Variants in GHR observed in about 807,000 individuals in gnomAD.
GHR encodes GH receptor.
In GHR, 35 loss-of-function variants were observed where a neutral mutation model predicts 67.1. That is an observed-to-expected ratio of 0.52 (90% CI 0.40 to 0.69). The LOEUF is 0.69. Ranked by LOEUF, GHR falls within the 30% of genes least tolerant of loss-of-function variation. The probability of loss-of-function intolerance (pLI) is 0.00; values close to 1 mark genes in which losing one functional copy is unlikely to be tolerated. For missense variants in GHR, 792 were observed against 764.6 expected, an observed-to-expected ratio of 1.04 and a Z score of -0.42; for synonymous variants, 272 against 269.1, an observed-to-expected ratio of 1.01 and a Z score of -0.10.
At chr5:42,693,711 T>A (rs1000347610) in intron 4 of GHR, among the ~76,000 whole-genome samples, 4 of 152,180 alleles carry the variant, frequency 2.6e-5, no homozygotes, top group African/African-American at 9.6e-5. Flanking sequence ...TGTCCACTGC[T>A]GCCCAGCACC....
intron 2 of GHR, among the ~76,000 whole-genome samples, chr5:42,567,585 A>C (rs1456624261): frequency 3.3e-5 from 5 of 152,162 alleles, no homozygotes; most frequent in African/African-American, 7.2e-5. Context: ...TTTAACAAAG[A>C]AGAACATTTT....
intron 1 of GHR, among the ~76,000 whole-genome samples, chr5:42,507,341 A>G (rs986012815): frequency 2.0e-5 from 3 of 152,360 alleles, no homozygotes; most frequent in East Asian, 3.9e-4. Context: ...GCCTTTCTGA[A>G]GTTTTTAAAA....
intron 1 of GHR, among the ~76,000 whole-genome samples, chr5:42,524,516 A>G (rs1466622396): frequency 6.6e-6 from 1 of 152,226 alleles, no homozygotes; most frequent in East Asian, 1.9e-4. Context: ...AGAGCATAAA[A>G]GTTCAGAAAA....
At chr5:42,670,083 A>T (rs1248648255) in intron 3 of GHR, among the ~76,000 whole-genome samples, 1 of 152,234 alleles carries the variant, frequency 6.6e-6, no homozygotes, top group Non-Finnish European at 1.5e-5. Context: ...GACCAAAAAG[A>T]GCAATGCTGG....
chr5:42,462,372 A>T (rs1744522954), intron 1 of GHR, among the ~76,000 whole-genome samples: 1 of 152,220 alleles, frequency 6.6e-6, no homozygotes, highest in Non-Finnish European at 1.5e-5. Flanking sequence ...AATGAAGCTA[A>T]GCAAAATTTA....
At chr5:42,580,024 A>T (rs761821191) in intron 2 of GHR, among the ~76,000 whole-genome samples, 15 of 152,022 alleles carry the variant, frequency 9.9e-5, no homozygotes, top group Middle Eastern at 3.2e-3. Context: ...TCACAATTTG[A>T]TTATGAGAAA....
At chr5:42,636,209 C>CA (rs11373491) in intron 3 of GHR, among the ~76,000 whole-genome samples, 24,506 of 81,002 alleles carry the variant, frequency 0.3, 3,201 homozygotes, top group Middle Eastern at 0.36. Context: ...GACCCCGTTT[C>CA]AAAAAAAAAA....
intron 3 of GHR, among the ~76,000 whole-genome samples, chr5:42,680,248 C>T (rs1756791553): frequency 6.6e-6 from 1 of 152,182 alleles, no homozygotes; most frequent in Non-Finnish European, 1.5e-5. Flanking sequence ...GTGATTTCGG[C>T]TGACAATAAG....
At chr5:42,521,440 CATA>C (rs2112303794) in intron 1 of GHR, among the ~76,000 whole-genome samples, 1 of 152,292 alleles carries the variant, frequency 6.6e-6, no homozygotes, top group Non-Finnish European at 1.5e-5. Context: ...GGATTTACTC[CATA>C]TTTCTTATTC....
intron 2 of GHR, among the ~76,000 whole-genome samples, chr5:42,627,096 T>C (rs187978565): frequency 1.5e-3 from 232 of 152,306 alleles, no homozygotes; most frequent in African/African-American, 5.4e-3. Flanking sequence ...TTATGGACCA[T>C]CTCACACCAT....
intron 3 of GHR, 69 bp from the exon 4 acceptor site, chr5:42,688,821 T>TA (rs1342481564): frequency 7.2e-7 from 1 of 1,382,886 alleles, no homozygotes; most frequent in Non-Finnish European, 1.0e-6. Context: ...ACACTTTAGA[T>TA]ACGTGTCTCA....
chr5:42,612,537 A>G (rs1752941174), intron 2 of GHR, among the ~76,000 whole-genome samples: 1 of 152,134 alleles, frequency 6.6e-6, no homozygotes, highest in Non-Finnish European at 1.5e-5. Context: ...ACATCACATT[A>G]CAAATGGGTA....
rs1744761984 is a variant in GHR at position 42,467,027 on chromosome 5, C to T, written c.-12+43072C>T. On this transcript the variant is annotated intron_variant, in intron 1 of 9. Coordinates refer to ENST00000230882, the MANE Select transcript of GHR (RefSeq NM_000163.5). ...GTGAGGCTCAACCTCTGTCTGAAGG[C>T]CTTCCCACACTCATTACACATGTAA... The T allele has an allele frequency of 1.9e-6, 3 of 1,564,518 alleles. No individual in the cohort carries two copies. In the African/African-American group the frequency reaches 4.1e-5, roughly 21 times the overall value.
chr5:42,435,532 G>A (rs1484157420), intron 1 of GHR, among the ~76,000 whole-genome samples: 1 of 152,128 alleles, frequency 6.6e-6, no homozygotes, highest in Non-Finnish European at 1.5e-5. Flanking sequence ...TTTTATCTGG[G>A]ACTAATTTCA....
intron 1 of GHR, among the ~76,000 whole-genome samples, chr5:42,470,086 ATAT>A (rs34930204): frequency 0.17 from 25,533 of 146,298 alleles, 2,473 homozygotes; most frequent in Non-Finnish European, 0.21. Flanking sequence ...TGTAAATAAC[ATAT>A]TATATTATAT....
At chr5:42,681,301 A>G (rs1355507543) in intron 3 of GHR, among the ~76,000 whole-genome samples, 1 of 151,902 alleles carries the variant, frequency 6.6e-6, no homozygotes, top group Non-Finnish European at 1.5e-5. Context: ...GGCAAAGGAT[A>G]TAAACAGACA....
intron 1 of GHR, among the ~76,000 whole-genome samples, chr5:42,511,729 C>T (rs1169841218): frequency 6.6e-6 from 1 of 151,882 alleles, no homozygotes; most frequent in African/African-American, 2.4e-5. Context: ...AGGAGAATGA[C>T]TTTTATCAAA....
At chr5:42,613,646 T>C (rs1333312092) in intron 2 of GHR, among the ~76,000 whole-genome samples, 1 of 152,130 alleles carries the variant, frequency 6.6e-6, no homozygotes, top group African/African-American at 2.4e-5. Context: ...TAAGAACAGC[T>C]ATTAGAAAAT....
At chr5:42,560,382 C>A (rs539994888) in intron 1 of GHR, among the ~76,000 whole-genome samples, 1 of 152,034 alleles carries the variant, frequency 6.6e-6, no homozygotes, top group Non-Finnish European at 1.5e-5. Flanking sequence ...TTGGTAGAGA[C>A]GGGGTTTCAC....
Sources: allele counts gnomAD v4.1 joint callset (sites outside exome capture counted in the v4.1 genomes callset), GRCh38; gene constraint gnomAD v4.1.1; transcripts MANE v1.5; gene names NCBI Gene and HGNC (gene_info 2026-07-23, HGNC 2026-07-21).